The following INPP4A variants were observed in gnomAD, a reference collection of about 807,000 sequenced individuals.
The protein encoded by INPP4A is inositol polyphosphate-4-phosphatase type I A.
Under a neutral mutation model 119.8 loss-of-function variants are expected in INPP4A, and 33 were observed. That is an observed-to-expected ratio of 0.28 (90% CI 0.21 to 0.37). The LOEUF (loss-of-function observed/expected upper bound fraction) is 0.37, where lower values mean the gene tolerates loss of function less well. INPP4A is among the 10% of genes least tolerant of loss of function. INPP4A has a pLI of 1.00. For synonymous variants in INPP4A, 496 were observed against 500.7 expected (o/e 0.99, Z 0.12); for missense variants, 956 against 1,289.9 (o/e 0.74, Z 3.97).
At chr2:98,537,173 A>G (rs1185292573) in intron 7 of INPP4A, among the ~76,000 whole-genome samples, 1 of 152,236 alleles carries the variant, frequency 6.6e-6, no homozygotes, top group Non-Finnish European at 1.5e-5. Context: ...CACAAAGGAA[A>G]TGGTCAGTAG....
intron 1 of INPP4A, among the ~76,000 whole-genome samples, chr2:98,513,223 C>T (rs968853316): frequency 1.3e-5 from 2 of 152,162 alleles, no homozygotes; most frequent in African/African-American, 4.8e-5. Context: ...ATGACCCATG[C>T]CAACCCCACA....
chr2:98,526,722 T>A (rs1314082578), intron 4 of INPP4A, among the ~76,000 whole-genome samples: 1 of 152,194 alleles, frequency 6.6e-6, no homozygotes, highest in Non-Finnish European at 1.5e-5. Flanking sequence ...AAAAGAAGTT[T>A]AATTGGCTCA....
chr2:98,501,778 A>G (rs568309937), intron 1 of INPP4A, among the ~76,000 whole-genome samples: 2 of 152,354 alleles, frequency 1.3e-5, no homozygotes, highest in African/African-American at 4.8e-5. Flanking sequence ...GGAATTTGAT[A>G]AATTAAAACC....
Position 98,533,473 on chromosome 2 carries a change from A to G in INPP4A, c.248A>G (p.His83Arg). 1 of 1,612,604 alleles carries G rather than the reference A, an allele frequency of 6.2e-7. No individual in the cohort carries two copies. Among genetic ancestry groups the G allele is most frequent in the Non-Finnish European group, 8.5e-7 (1 of 1,178,784 alleles). The change falls in exon 5 of 25, where the codon CAT becomes CGT. Residue 83 changes from histidine to arginine, a missense_variant. Physicochemically the swap from His to Arg is conservative, Grantham distance 29 (BLOSUM62 0). Around this residue, in one of 2 missense-constraint regions of INPP4A, gnomAD observed 652 missense variants for 797.9 expected, o/e 0.82. Coordinates refer to ENST00000409851, the MANE Select transcript of INPP4A (RefSeq NM_001134225.2). ...TTPPQAFWTK[H>R]AQTEIIEGTN... is the part of the protein sequence containing the mutation. ...CCTCCTCAGGCATTCTGGACGAAGC[A>G]TGCACAGACGGAGATCATTGAGGTG...
rs372853013 is a variant in INPP4A at position 98,563,657 on chromosome 2, C to G, written c.2028+20C>G. The G allele has an allele frequency of 3.7e-6, 6 of 1,609,806 alleles. No homozygotes were observed. The highest frequency in any genetic ancestry group is 5.1e-6 in the Non-Finnish European group (6 of 1,179,054). On this transcript the variant is annotated intron_variant, in intron 18 of 24. Transcript: ENST00000409851. ...CAGACGGTAGGCCCCGGGAGCACCC[C>G]GAGGGAGACCACGGGCACCTCTCAG... is the stretch of plus-strand genomic sequence containing the variant.
In INPP4A at chr2:98,484,097, C is replaced by T. The variant is rs142378605; in HGVS notation, c.-165-34867C>T. ...GGCTTGGAATCTCTTTCGCTTTGAC[C>T]GGTGACTACCATCCCCTCCACTCCT... On this transcript the variant is annotated intron_variant, in intron 1 of 24. Transcript: ENST00000409851. 1.1e-3 allele frequency among the ~76,000 whole-genome samples: 160 copies of T among 152,152 alleles called. 1 individual carries two copies. The East Asian group carries it at 0.011, about 10-fold the overall frequency.
At chr2:98,512,609 C>T (rs755777224) in intron 1 of INPP4A, among the ~76,000 whole-genome samples, 2 of 152,200 alleles carry the variant, frequency 1.3e-5, no homozygotes, top group South Asian at 2.1e-4. Flanking sequence ...CCCGATTTAT[C>T]GGGAATCCAC....
chr2:98,456,996 G>T (rs1574483897), intron 1 of INPP4A, among the ~76,000 whole-genome samples: 1 of 152,172 alleles, frequency 6.6e-6, no homozygotes, highest in South Asian at 2.1e-4. Context: ...TGAGTGGGTG[G>T]GTTTTTATTT....
chr2:98,519,948 C>A lies in INPP4A; in HGVS notation c.-101C>A, dbSNP rs1479763363. 1.3e-5 allele frequency: 11 copies of A among 850,136 alleles called. No homozygotes were observed. Among genetic ancestry groups the A allele is most frequent in the Non-Finnish European group, 2.0e-5 (10 of 510,006 alleles). 52.7% of individuals were successfully genotyped at this position (850,136 alleles called of 1,614,324 possible). A position where few individuals can be genotyped will look rare whatever the true frequency, so the allele number is the denominator to read the frequency against. ...CTTACAAGTGCTCCTTTTCTCAGGG[C>A]TACTGCCACTTTAGTGGACTAGGGC... On this transcript the variant is annotated splice_region_variant and 5_prime_UTR_variant, in exon 3 of 25. Coordinates refer to ENST00000409851, the MANE Select transcript of INPP4A (RefSeq NM_001134225.2).
chr2:98,592,390 C>G lies in INPP4A; in HGVS notation c.*4782C>G, dbSNP rs1357463722. ...GGCAGCAGGAAACAGCTCAGGCTGC[C>G]TGACCTGGCCCCCGGCTGCCCATGA... On this transcript the variant is annotated 3_prime_UTR_variant, in exon 25 of 25. Transcript: ENST00000409851. 1 of 152,220 alleles carries G rather than the reference C, an allele frequency of 6.6e-6. No homozygotes were observed. The highest frequency in any genetic ancestry group is 1.5e-5 in the Non-Finnish European group (1 of 68,070). The allele number at this position is 152,220 out of a possible 1,614,324, so 9.4% of individuals were successfully genotyped here.
At chr2:98,501,302 C>T (rs1396397953) in intron 1 of INPP4A, among the ~76,000 whole-genome samples, 2 of 152,022 alleles carry the variant, frequency 1.3e-5, no homozygotes, top group Non-Finnish European at 2.9e-5. Context: ...CCACTGCACT[C>T]CAGCCTGGGC....
intron 7 of INPP4A, 45 bp downstream of exon 7, chr2:98,536,253 G>C: frequency 8.2e-7 from 1 of 1,224,678 alleles, no homozygotes; most frequent in Non-Finnish European, 1.2e-6. Flanking sequence ...GGAATCATGA[G>C]GTCCAGGGAC....
rs182932521 is a variant in INPP4A at position 98,586,923 on chromosome 2, C to G, written c.2787-553C>G. On this transcript the variant is annotated intron_variant, in intron 24 of 24. Coordinates refer to ENST00000409851, the MANE Select transcript of INPP4A (RefSeq NM_001134225.2). ...ATGAACCCATTGGATTACCTGGCACCCAGAACAACTGTCCTCCAGGAGACA... is the reference window on the plus strand; with the variant it reads ...ATGAACCCATTGGATTACCTGGCACGCAGAACAACTGTCCTCCAGGAGACA... Among the ~76,000 whole-genome samples the G allele has an allele frequency of 3.8e-3, 586 of 152,324 alleles. 4 individuals carry two copies. The highest frequency in any genetic ancestry group is 0.013 in the African/African-American group (549 of 41,566).
chr2:98,491,646 A>G (rs1447417589), intron 1 of INPP4A, among the ~76,000 whole-genome samples: 1 of 152,148 alleles, frequency 6.6e-6, no homozygotes, highest in Non-Finnish European at 1.5e-5. Context: ...GTACACAGTC[A>G]CCTACCTGAG....
At chr2:98,457,234 G>A (rs1696281368) in intron 1 of INPP4A, among the ~76,000 whole-genome samples, 1 of 152,198 alleles carries the variant, frequency 6.6e-6, no homozygotes, top group South Asian at 2.1e-4. Flanking sequence ...AGTAGTGGAT[G>A]TAACTCATTT....
chr2:98,530,724 A>T (rs1689061398), intron 4 of INPP4A, among the ~76,000 whole-genome samples: 2 of 152,362 alleles, frequency 1.3e-5, no homozygotes, highest in Admixed American at 1.3e-4. Flanking sequence ...ACATGAGGAG[A>T]TAAGAAATAT....
Position 98,548,667 on chromosome 2 carries a change from A to G in INPP4A, c.1163+1973A>G, listed in dbSNP as rs114506126. On this transcript the variant is annotated intron_variant, in intron 13 of 24. Coordinates refer to ENST00000409851, the MANE Select transcript of INPP4A (RefSeq NM_001134225.2). Reference sequence around the variant, plus strand: ...TTCTATTTAATTTCTCACTAATGCCATCAAGCCACTTATAGATATGGTATT... The same window carrying G: ...TTCTATTTAATTTCTCACTAATGCCGTCAAGCCACTTATAGATATGGTATT... Among the ~76,000 whole-genome samples the G allele has an allele frequency of 3.8e-3, 585 of 152,318 alleles. 4 individuals are homozygous for G. Among genetic ancestry groups the G allele is most frequent in the African/African-American group, 0.013 (548 of 41,546 alleles).
intron 11 of INPP4A, among the ~76,000 whole-genome samples, chr2:98,544,314 G>A (rs1486732158): frequency 1.3e-5 from 2 of 152,164 alleles, no homozygotes; most frequent in Admixed American, 6.5e-5. Flanking sequence ...TAGGGGAGGC[G>A]AAATCCCGGG....
At chr2:98,536,260 G>C (rs761674460) in intron 7 of INPP4A, 52 bp downstream of exon 7, 1 of 1,127,236 alleles carries the variant, frequency 8.9e-7, no homozygotes, top group South Asian at 1.3e-5. Context: ...TGAGGTCCAG[G>C]GACAGATGGG....
Sources: allele counts gnomAD v4.1 joint callset (sites outside exome capture counted in the v4.1 genomes callset), GRCh38; gene constraint gnomAD v4.1.1; regional missense constraint gnomAD v4.1.1; transcripts MANE v1.5; gene names NCBI Gene and HGNC (gene_info 2026-07-23, HGNC 2026-07-21).